Variants in SELENOH observed in about 807,000 individuals in gnomAD.
SELENOH encodes the protein chromosome 11 open reading frame 31.
A neutral mutation model predicts 11.9 loss-of-function variants in SELENOH; 13 were observed. The ratio of observed to expected loss-of-function variants is 1.09; its 90% confidence interval spans 0.71 to 1.74. SELENOH has a LOEUF of 1.74. Among genes scored for constraint, SELENOH ranks in the 40% most tolerant of loss-of-function variants. SELENOH has a pLI of 0.00. For missense variants in SELENOH, 223 were observed against 170.3 expected (o/e 1.31, Z -1.72); for synonymous variants, 96 against 73.5 (o/e 1.31, Z -1.56).
At position 57,741,525 on chromosome 11, in the gene SELENOH, T is replaced by G. The variant is rs760640788; in HGVS notation, c.-71T>G. ...GGGCTGCGCTCTTCGTTGCCCAGTT[T>G]CCGCTCAGTGGTCGCGTCTCCGCCC... On this transcript the variant is annotated 5_prime_UTR_variant, in exon 1 of 4. Transcript: ENST00000534355. 8.2e-7 allele frequency: 1 copy of G among 1,212,140 alleles called. No homozygotes were observed. Among genetic ancestry groups the G allele is most frequent in the South Asian group, 4.3e-5 (1 of 23,346 alleles). The allele number at this position is 1,212,140 out of a possible 1,614,324, so 75.1% of individuals were successfully genotyped here.
rs568875392 is a variant in SELENOH, at chr11:57,741,513, C to T, written c.-83C>T. ...AGCAGAGCTTCCGGGCTGCGCTCTTCGTTGCCCAGTTTCCGCTCAGTGGTC... is the reference window on the plus strand; with the variant it reads ...AGCAGAGCTTCCGGGCTGCGCTCTTTGTTGCCCAGTTTCCGCTCAGTGGTC... On this transcript the variant is annotated 5_prime_UTR_variant, in exon 1 of 4. Coordinates refer to ENST00000534355, the MANE Select transcript of SELENOH (RefSeq NM_170746.4). 8 of 1,111,652 alleles carry T rather than the reference C, an allele frequency of 7.2e-6. No homozygotes were observed. Among genetic ancestry groups the T allele is most frequent in the African/African-American group, 4.9e-5 (3 of 61,840 alleles). The allele number at this position is 1,111,652 out of a possible 1,614,324, so 68.9% of individuals were successfully genotyped here.
Position 57,741,781 on chromosome 11 carries a change from G to C in SELENOH, c.123-28G>C, listed in dbSNP as rs764144437. ...GGCGCCGGGGGGGGCCAGGGGCCCC[G>C]GTTTCTAACCTCTCCGTCTCTCCCT... On this transcript the variant is annotated intron_variant, in intron 1 of 3. Coordinates refer to ENST00000534355, the MANE Select transcript of SELENOH (RefSeq NM_170746.4). 1.9e-6 allele frequency: 3 copies of C among 1,602,204 alleles called. No individual in the cohort carries two copies. The African/African-American group carries it at 4.0e-5, about 21-fold the overall frequency.
intron 3 of SELENOH, 108 bp downstream of exon 3, chr11:57,742,355 C>G (rs902091918): frequency 7.2e-5 from 56 of 777,920 alleles, no homozygotes; most frequent in Non-Finnish European, 1.0e-4. Flanking sequence ...GCCTGCAATC[C>G]CAGCACTCTG....
chr11:57,741,961 GGGGACCTGGATGTGGGGGAGA>G lies in SELENOH; in HGVS notation c.268+13_268+33del. 2 of 1,585,462 alleles carry G rather than the reference GGGGACCTGGATGTGGGGGAGA, an allele frequency of 1.3e-6. No individual in the cohort carries two copies. The highest frequency in any genetic ancestry group is 1.7e-6 in the Non-Finnish European group (2 of 1,169,250). Reference sequence around the variant, plus strand: ...CTGCGCCCGGACGGCAGCAGTAAGTGGGGACCTGGATGTGGGGGAGAGGGACGTGGGTGAAAGGGACGTGGG... The same window carrying G: ...CTGCGCCCGGACGGCAGCAGTAAGTGGGGACGTGGGTGAAAGGGACGTGGG... On this transcript the variant is annotated splice_region_variant and intron_variant, in intron 2 of 3. Transcript: ENST00000534355.
Position 57,741,853 on chromosome 11 carries a change from AG to A in SELENOH, c.169del (p.Ala57ArgfsTer?), listed in dbSNP as rs1949086921. 1.2e-6 allele frequency: 2 copies of A among 1,605,774 alleles called. No homozygotes were observed. Among genetic ancestry groups the A allele is most frequent in the Non-Finnish European group, 1.7e-6 (2 of 1,176,824 alleles). On this transcript the variant is annotated frameshift_variant, in exon 2 of 4. Coordinates refer to ENST00000534355, the MANE Select transcript of SELENOH (RefSeq NM_170746.4). LOFTEE classifies it high-confidence loss of function. The stretch of plus-strand genomic sequence containing the variant: ...GGGCGCAACGCCGCGGCCCTGAGCC[AG>A]GCGCTGCGCCTGGAGGCCCCAGAGC... ...VYGRNAAALS[Q>X]ALRLEAPELP...
rs370024227 is a variant in SELENOH at position 57,742,213 on chromosome 11, C to T, written c.365C>T (p.Ser122Leu). 6.8e-6 allele frequency: 11 copies of T among 1,607,504 alleles called. No individual in the cohort carries two copies. The highest frequency in any genetic ancestry group is 2.2e-5 in the South Asian group (2 of 89,682). The change falls in exon 3 of 4, where the codon TCG (serine) becomes TTG (leucine). Residue 122 changes from serine (S) to leucine (L), a missense_variant. By Grantham distance (145) the Ser-to-Leu change is moderately radical. Transcript: ENST00000534355. The stretch of plus-strand genomic sequence containing the variant: ...GTGGAAGAGTTGAAGAAGTACCTGT[C>T]GTAGGGAGATTTGGGTAGAAGCCCT... ...EVVEELKKYL[S>L]
intron 2 of SELENOH, 28 bp from the exon 3 acceptor site, chr11:57,742,089 G>GT: frequency 6.3e-7 from 1 of 1,599,532 alleles, no homozygotes; most frequent in Non-Finnish European, 8.5e-7. Context: ...CCGAAGTATT[G>GT]TAACTTCGCT....
At chr11:57,742,557 A>G (rs1203247542) in intron 3 of SELENOH, 2 of 325,634 alleles carry the variant, frequency 6.1e-6, no homozygotes, top group Non-Finnish European at 1.2e-5. Context: ...ATGTTACTTC[A>G]TTTATGCTTA....
Position 57,741,709 on chromosome 11 carries a change from C to G in SELENOH, c.114C>G (p.Ile38Met), listed in dbSNP as rs562334219. 7.1e-6 allele frequency: 11 copies of G among 1,557,914 alleles called. No homozygotes were observed. Among genetic ancestry groups the G allele is most frequent in the Middle Eastern group, 3.6e-4 (2 of 5,520 alleles). The part of the protein sequence containing the change: ...GEGMEEATVV[I>M]EHCTSURVYG... ...GAATGGAGGAGGCGACCGTTGTTATCGAGCATTGGTGAGGGGCCTGGAGAG... is the reference window on the plus strand; with the variant it reads ...GAATGGAGGAGGCGACCGTTGTTATGGAGCATTGGTGAGGGGCCTGGAGAG... Residue 38 changes from isoleucine to methionine, a missense_variant, in exon 1 of 4, where the codon ATC becomes ATG. Transcript: ENST00000534355.
At chr11:57,742,052 A>G in intron 2 of SELENOH, 65 bp from the exon 3 acceptor site, 2 of 1,586,128 alleles carry the variant, frequency 1.3e-6, no homozygotes, top group South Asian at 1.1e-5. Flanking sequence ...CGGCAGTCTC[A>G]TGACTTCAGA....
intron 3 of SELENOH, 170 bp downstream of exon 3, chr11:57,742,417 CAAAAA>C (rs1261195082): frequency 1.7e-6 from 1 of 573,802 alleles, no homozygotes; most frequent in Non-Finnish European, 3.1e-6. Flanking sequence ...TATTTGAAAA[CAAAAA>C]ACAAAAAAAA....
Position 57,742,239 on chromosome 11 carries a change from C to T in SELENOH, c.*22C>T. On this transcript the variant is annotated 3_prime_UTR_variant, in exon 3 of 4. Transcript: ENST00000534355. The stretch of plus-strand genomic sequence containing the variant: ...GTAGGGAGATTTGGGTAGAAGCCCT[C>T]ATGCTGAGGTTTGAAATGGGAAGTG... 1 of 1,582,204 alleles carries T rather than the reference C, an allele frequency of 6.3e-7. No individual in the cohort carries two copies. The highest frequency in any genetic ancestry group is 8.6e-7 in the Non-Finnish European group (1 of 1,159,856).
chr11:57,741,851 C>T lies in SELENOH; in HGVS notation c.165C>T (p.Ser55=), dbSNP rs1949086680. 5.6e-6 allele frequency: 9 copies of T among 1,605,616 alleles called. No homozygotes were observed. Among genetic ancestry groups the T allele is most frequent in the Non-Finnish European group, 6.8e-6 (8 of 1,176,812 alleles). ...ATGGGCGCAACGCCGCGGCCCTGAG[C>T]CAGGCGCTGCGCCTGGAGGCCCCAG... ...RVYGRNAAAL[S]QALRLEAPEL... The change falls in exon 2 of 4, where the codon AGC becomes AGT. Residue 55 remains serine, a synonymous_variant. Transcript: ENST00000534355.
rs371704385 is a variant in SELENOH, at chr11:57,742,161, C to T, written c.313C>T (p.Leu105Phe). ...GATTAAGAAGGGGCCCCCACGCAAA[C>T]TCAAATTCCCTGAGCCTCAAGAGGT... is the stretch of plus-strand genomic sequence containing the variant. ...TGIKKGPPRK[L>F]KFPEPQEVVE... Residue 105 changes from leucine (L) to phenylalanine (F), a missense_variant, in exon 3 of 4, where the codon CTC (leucine) becomes TTC (phenylalanine). Physicochemically the swap from Leu to Phe is conservative, Grantham distance 22. Transcript: ENST00000534355. 5 of 1,612,268 alleles carry T rather than the reference C, an allele frequency of 3.1e-6. No homozygotes were observed. The highest frequency in any genetic ancestry group is 3.4e-6 in the Non-Finnish European group (4 of 1,179,274).
chr11:57,742,269 G>A (rs2135681422), intron 3 of SELENOH, 22 bp downstream of exon 3: 2 of 1,496,078 alleles, frequency 1.3e-6, no homozygotes, highest in East Asian at 2.4e-5. Context: ...GAAGTGGGGG[G>A]CGCGACCGCT....
chr11:57,741,900 ACGAAGCCC>A lies in SELENOH; in HGVS notation c.217_224del (p.Lys73GlufsTer?). 6.3e-7 allele frequency: 1 copy of A among 1,594,328 alleles called. No individual in the cohort carries two copies. The highest frequency in any genetic ancestry group is 8.5e-7 in the Non-Finnish European group (1 of 1,174,754). On this transcript the variant is annotated frameshift_variant, in exon 2 of 4. Transcript: ENST00000534355. LOFTEE classifies it high-confidence loss of function. ...AGAGCTTCCAGTAAAGGTGAACCCG[ACGAAGCCC>A]CGGAGGGGCAGCTTCGAGGTGACGC...
intron 2 of SELENOH, 46 bp downstream of exon 2, chr11:57,742,000 G>C (rs1447858520): frequency 6.3e-7 from 1 of 1,582,200 alleles, no homozygotes; most frequent in East Asian, 2.3e-5. Flanking sequence ...GGGTGAAAGG[G>C]ACGTGGGTTC....
At chr11:57,742,005 G>A (rs1208717070) in intron 2 of SELENOH, 51 bp downstream of exon 2, 2 of 1,580,796 alleles carry the variant, frequency 1.3e-6, no homozygotes, top group South Asian at 1.2e-5. Flanking sequence ...AAAGGGACGT[G>A]GGTTCCGAAG....
chr11:57,742,131 A>G lies in SELENOH; in HGVS notation c.283A>G (p.Thr95Ala), dbSNP rs1156423541. 1 of 1,611,534 alleles carries G rather than the reference A, an allele frequency of 6.2e-7. No homozygotes were observed. Among genetic ancestry groups the G allele is most frequent in the South Asian group, 1.1e-5 (1 of 90,426 alleles). The change falls in exon 3 of 4, where the codon ACT (threonine) becomes GCT (alanine). Residue 95 changes from threonine (T) to alanine (A), a missense_variant. Thr to Ala is a moderately conservative substitution (Grantham distance 58). Coordinates refer to ENST00000534355, the MANE Select transcript of SELENOH (RefSeq NM_170746.4). ...RPDGSSAELWTGIKKGPPRKL... is the reference protein window; with the variant it reads ...RPDGSSAELWAGIKKGPPRKL... ...TGGCCTTTCAGGTGCGGAGCTCTGG[A>G]CTGGGATTAAGAAGGGGCCCCCACG...
Sources: gnomAD v4.1 joint callset for allele counts on GRCh38, gnomAD v4.1.1 for gene constraint, MANE v1.5 for transcripts, NCBI Gene and HGNC (gene_info 2026-07-23, HGNC 2026-07-21) for gene names.